KCNQ1: variants seen among roughly 807,000 people sequenced by gnomAD.
KCNQ1 encodes potassium voltage-gated channel subfamily KQT member 1.
KCNQ1 carries 49 observed loss-of-function variants against 72.4 expected under a neutral mutation model. That is an observed-to-expected ratio of 0.68 (90% CI 0.54 to 0.86). The LOEUF is 0.86. KCNQ1 is among the 40% of genes least tolerant of loss of function. KCNQ1 has a pLI of 0.00. For synonymous variants in KCNQ1, 450 were observed against 412.6 expected (o/e 1.09, Z -1.10); for missense variants, 790 against 945.1 (o/e 0.84, Z 2.15).
chr11:2,561,097 G>C (rs1307292287), intron 2 of KCNQ1, among the ~76,000 whole-genome samples: 1 of 151,496 alleles, frequency 6.6e-6, no homozygotes, highest in East Asian at 1.9e-4. Context: ...AGCTACTCGG[G>C]AGGCTGAGGC....
chr11:2,502,258 C>A (rs1005151232), intron 1 of KCNQ1, among the ~76,000 whole-genome samples: 1 of 152,094 alleles, frequency 6.6e-6, no homozygotes, highest in African/African-American at 2.4e-5. Context: ...GTCAAATTAT[C>A]CTTGTTTGCA....
At chr11:2,520,970 G>A (rs1193679713) in intron 1 of KCNQ1, among the ~76,000 whole-genome samples, 9 of 152,150 alleles carry the variant, frequency 5.9e-5, no homozygotes, top group South Asian at 2.1e-4. Flanking sequence ...AACATTGCTC[G>A]ATCTCATTCA....
chr11:2,702,158 G>A lies in KCNQ1; in HGVS notation c.1514+40077G>A, dbSNP rs542922243. ...TCTACCTCCCCAGGAGGTCAGGGGA[G>A]CAGGATCCCAGGTCTTCAGAGTCAT... On this transcript the variant is annotated intron_variant, in intron 11 of 15. Transcript: ENST00000155840. Among the ~76,000 whole-genome samples the A allele has an allele frequency of 3.3e-5, 5 of 152,334 alleles. No homozygotes were observed. In the East Asian group the frequency reaches 9.6e-4, roughly 29 times the overall value.
At chr11:2,485,512 A>G (rs1427084046) in intron 1 of KCNQ1, among the ~76,000 whole-genome samples, 1 of 152,186 alleles carries the variant, frequency 6.6e-6, no homozygotes, top group Non-Finnish European at 1.5e-5. Context: ...ACTCTTGTAG[A>G]TCTTTAATTG....
In KCNQ1 at chr11:2,445,128, C is replaced by T; in HGVS notation, c.30C>T (p.Ala10=). 1.8e-6 allele frequency: 2 copies of T among 1,114,980 alleles called. No homozygotes were observed. The highest frequency in any genetic ancestry group is 2.2e-6 in the Non-Finnish European group (2 of 911,328). The allele number at this position is 1,114,980 out of a possible 1,614,324, so 69.1% of individuals were successfully genotyped here. A position where few individuals can be genotyped will look rare whatever the true frequency, so the allele number is the denominator to read the frequency against. The part of the protein sequence containing the change: MAAASSPPR[A]ERKRWGWGRL... Reference sequence around the variant, plus strand: ...CCGCGGCCTCCTCCCCGCCCAGGGCCGAGAGGAAGCGCTGGGGTTGGGGCC... The same window carrying T: ...CCGCGGCCTCCTCCCCGCCCAGGGCTGAGAGGAAGCGCTGGGGTTGGGGCC... The change falls in exon 1 of 16, where the codon GCC becomes GCT. Residue 10 remains alanine (A), a synonymous_variant. Transcript: ENST00000155840.
At chr11:2,527,821 G>A in intron 1 of KCNQ1, 107 bp from the exon 2 acceptor site, 1 of 925,818 alleles carries the variant, frequency 1.1e-6, no homozygotes, top group African/African-American at 1.6e-5. Flanking sequence ...AGCACTGTCT[G>A]TTCCTACCTG....
intron 10 of KCNQ1, chr11:2,625,005 T>A (rs985124340): frequency 2.5e-6 from 1 of 398,626 alleles, no homozygotes; most frequent in Non-Finnish European, 4.4e-6. Flanking sequence ...TTGGGTTGCA[T>A]TGATGTTTTA....
intron 10 of KCNQ1, among the ~76,000 whole-genome samples, chr11:2,605,605 G>T (rs972155792): frequency 6.6e-6 from 1 of 152,104 alleles, no homozygotes; most frequent in East Asian, 1.9e-4. Context: ...TAGATATATG[G>T]CTCCGTTTTT....
At chr11:2,633,290 C>A (rs1365094078) in intron 10 of KCNQ1, 3 of 398,354 alleles carry the variant, frequency 7.5e-6, no homozygotes, top group Admixed American at 8.8e-5. Context: ...GATATTAATC[C>A]CTTGTCAGAT....
At chr11:2,546,858 A>G (rs921321217) in intron 2 of KCNQ1, among the ~76,000 whole-genome samples, 1 of 152,190 alleles carries the variant, frequency 6.6e-6, no homozygotes, top group South Asian at 2.1e-4. Flanking sequence ...CTGCCTCTTT[A>G]TCCCTGGCCA....
intron 10 of KCNQ1, among the ~76,000 whole-genome samples, chr11:2,604,607 C>T (rs753265564): frequency 8.0e-5 from 12 of 150,652 alleles, no homozygotes; most frequent in South Asian, 2.1e-4. Flanking sequence ...TGCAGTGGCG[C>T]GATCTGAGCT....
rs374771104 is a variant in KCNQ1 at position 2,588,482 on chromosome 11, G to A, written c.1252-231G>A. Among the ~76,000 whole-genome samples, 29 of 152,242 alleles carry A rather than the reference G, an allele frequency of 1.9e-4. No homozygotes were observed. Among genetic ancestry groups the A allele is most frequent in the African/African-American group, 5.5e-4 (23 of 41,540 alleles). ...ATCTGCTTCCTGCTGTCCTGTTAGC[G>A]AGGCCGTGAGCTCACAGGGCAGCAC... On this transcript the variant is annotated intron_variant, in intron 9 of 15. Transcript: ENST00000155840. This position sits in a 1 kb window ranked among gnomAD's most constrained non-coding sequence, Gnocchi z 5.6.
chr11:2,518,474 C>T (rs1383652815), intron 1 of KCNQ1, among the ~76,000 whole-genome samples: 1 of 152,132 alleles, frequency 6.6e-6, no homozygotes, highest in African/African-American at 2.4e-5. Flanking sequence ...GTGCTGCAGG[C>T]ACAGGAGTTC....
chr11:2,790,110 C>T (rs1846991494), intron 15 of KCNQ1, among the ~76,000 whole-genome samples: 1 of 152,216 alleles, frequency 6.6e-6, no homozygotes, highest in African/African-American at 2.4e-5. Context: ...TGACCCTCTG[C>T]CATACCATGA....
At chr11:2,581,175 C>T (rs1003750769) in intron 6 of KCNQ1, among the ~76,000 whole-genome samples, 3 of 152,228 alleles carry the variant, frequency 2.0e-5, no homozygotes, top group African/African-American at 7.2e-5. Context: ...GGTCCCTGCC[C>T]TGCCCAGGCC....
At position 2,547,545 on chromosome 11, in the gene KCNQ1, C is replaced by G. The variant is rs1847916223; in HGVS notation, c.477+19527C>G. Among the ~76,000 whole-genome samples, 1 of 152,138 alleles carries G rather than the reference C, an allele frequency of 6.6e-6. No individual in the cohort carries two copies. Among genetic ancestry groups the G allele is most frequent in the South Asian group, 2.1e-4 (1 of 4,828 alleles). On this transcript the variant is annotated intron_variant, in intron 2 of 15. Transcript: ENST00000155840. This position sits in a 1 kb window ranked among gnomAD's most constrained non-coding sequence, Gnocchi z 4.2. ...CACCGTGCCCAGCCTGTATTTTTGTCCTAATAGTTACCTTTATACATATGC... is the reference window on the plus strand; with the variant it reads ...CACCGTGCCCAGCCTGTATTTTTGTGCTAATAGTTACCTTTATACATATGC...
Position 2,798,234 on chromosome 11 carries a change from C to A in KCNQ1, c.1794+20197C>A, listed in dbSNP as rs1847179248. On this transcript the variant is annotated intron_variant, in intron 15 of 15. Transcript: ENST00000155840. The stretch of plus-strand genomic sequence containing the variant: ...AGAGGAAGGGGCTGGACCGTCCACG[C>A]CCTGGGTTCCCAACCACCCTTCCCC... Among the ~76,000 whole-genome samples the A allele has an allele frequency of 7.2e-5, 11 of 152,302 alleles. No individual in the cohort carries two copies. The South Asian group carries it at 2.3e-3, about 32-fold the overall frequency.
chr11:2,766,320 G>T lies in KCNQ1; in HGVS notation c.1515-2524G>T, dbSNP rs534087359. 1.3e-5 allele frequency among the ~76,000 whole-genome samples: 2 copies of T among 152,360 alleles called. No individual in the cohort carries two copies. Among genetic ancestry groups the T allele is most frequent in the African/African-American group, 4.8e-5 (2 of 41,582 alleles). On this transcript the variant is annotated intron_variant, in intron 11 of 15. Coordinates refer to ENST00000155840, the MANE Select transcript of KCNQ1 (RefSeq NM_000218.3). This position sits in a 1 kb window ranked among gnomAD's most constrained non-coding sequence, Gnocchi z 4.4. ...TGGATTCGATGACATGGCAGTACTT[G>T]CATGGTGATGTGGTGGTGGCTGAGT... is the stretch of plus-strand genomic sequence containing the variant.
Position 2,471,990 on chromosome 11 carries a change from ATAAG to A in KCNQ1, c.386+26508_386+26511del, listed in dbSNP as rs781324589. ...TATGGGTGTGTGTGCACCTATGTGT[ATAAG>A]TGTGTGTGCACATGTGTATAGGTGT... On this transcript the variant is annotated intron_variant, in intron 1 of 15. Coordinates refer to ENST00000155840, the MANE Select transcript of KCNQ1 (RefSeq NM_000218.3). The surrounding 1 kb of genome is among the most constrained non-coding windows in gnomAD (Gnocchi z 4.8). Among the ~76,000 whole-genome samples, 3 of 146,454 alleles carry A rather than the reference ATAAG, an allele frequency of 2.0e-5. No homozygotes were observed. Among genetic ancestry groups the A allele is most frequent in the Non-Finnish European group, 3.0e-5 (2 of 66,400 alleles).
Sources: gnomAD v4.1 joint callset for allele counts (sites outside exome capture counted in the v4.1 genomes callset) on GRCh38, gnomAD v4.1.1 for gene constraint, Gnocchi (gnomAD v3.1) non-coding constraint, MANE v1.5 for transcripts, NCBI Gene and HGNC (gene_info 2026-07-23, HGNC 2026-07-21) for gene names.